ZNF804B: variants seen among roughly 807,000 people sequenced by gnomAD.
ZNF804B encodes zinc finger 804B.
A neutral mutation model predicts 101.4 loss-of-function variants in ZNF804B; 80 were observed. That is an observed-to-expected ratio of 0.79 (90% CI 0.66 to 0.95). ZNF804B has a LOEUF of 0.95. Ranked by LOEUF, ZNF804B falls within the 40% of genes least tolerant of loss-of-function variation. The probability of loss-of-function intolerance (pLI) is 0.00; values close to 1 mark genes in which losing one functional copy is unlikely to be tolerated. For synonymous variants in ZNF804B, 622 were observed against 558.8 expected (o/e 1.11, Z -1.59); for missense variants, 1,673 against 1,561.9 (o/e 1.07, Z -1.20).
intron 3 of ZNF804B, among the ~76,000 whole-genome samples, chr7:89,331,384 C>G (rs1338777561): frequency 6.6e-6 from 1 of 151,668 alleles, no homozygotes; most frequent in East Asian, 1.9e-4. Context: ...TTCAGTAACT[C>G]ATATACTATC....
intron 2 of ZNF804B, among the ~76,000 whole-genome samples, chr7:89,251,912 T>G (rs1190992382): frequency 1.3e-5 from 2 of 152,172 alleles, no homozygotes; most frequent in African/African-American, 4.8e-5. Context: ...TAAGTCAAGA[T>G]GTATTAAAGA....
At chr7:89,309,691 C>T (rs191599493) in intron 2 of ZNF804B, among the ~76,000 whole-genome samples, 11 of 132,732 alleles carry the variant, frequency 8.3e-5, no homozygotes, top group East Asian at 7.5e-4. Context: ...ACCATGCAGG[C>T]GGAGGTTACA....
intron 1 of ZNF804B, among the ~76,000 whole-genome samples, chr7:88,993,010 G>T (rs185619624): frequency 2.6e-5 from 4 of 151,762 alleles, no homozygotes; most frequent in Non-Finnish European, 5.9e-5. Context: ...ATATTACAAA[G>T]ATCACATATT....
At chr7:89,004,859 G>A (rs1788349203) in intron 1 of ZNF804B, among the ~76,000 whole-genome samples, 1 of 151,862 alleles carries the variant, frequency 6.6e-6, no homozygotes, top group Admixed American at 6.6e-5. Flanking sequence ...TGTAATATTT[G>A]CATTTCTGGA....
intron 1 of ZNF804B, among the ~76,000 whole-genome samples, chr7:89,130,064 C>G (rs755870917): frequency 2.6e-5 from 4 of 151,824 alleles, no homozygotes; most frequent in African/African-American, 9.7e-5. Context: ...AATATATATT[C>G]CCAGCTGTTG....
intron 1 of ZNF804B, among the ~76,000 whole-genome samples, chr7:88,955,548 TTTTTCC>T (rs1793292478): frequency 6.6e-6 from 1 of 151,672 alleles, no homozygotes; most frequent in South Asian, 2.1e-4. Context: ...GATTTTAAAT[TTTTTCC>T]TTTTCATCAT....
At chr7:88,905,081 G>C (rs1792448080) in intron 1 of ZNF804B, among the ~76,000 whole-genome samples, 1 of 152,038 alleles carries the variant, frequency 6.6e-6, no homozygotes, top group African/African-American at 2.4e-5. Context: ...GTTAGCTTTT[G>C]GTATGTTGTA....
intron 1 of ZNF804B, among the ~76,000 whole-genome samples, chr7:88,975,970 G>T (rs1453921467): frequency 2.0e-5 from 3 of 151,222 alleles, no homozygotes; most frequent in Non-Finnish European, 4.4e-5. Context: ...AGAGATAGGG[G>T]TTCATTCTTC....
At chr7:88,948,497 C>T (rs1460196029) in intron 1 of ZNF804B, among the ~76,000 whole-genome samples, 1 of 151,636 alleles carries the variant, frequency 6.6e-6, no homozygotes, top group Non-Finnish European at 1.5e-5. Flanking sequence ...AGATTTAATG[C>T]CAGTATAAGA....
At chr7:89,007,712 G>A (rs1788391619) in intron 1 of ZNF804B, among the ~76,000 whole-genome samples, 2 of 149,440 alleles carry the variant, frequency 1.3e-5, no homozygotes, top group Non-Finnish European at 3.0e-5. Flanking sequence ...TATGTTGACA[G>A]CATGGAACAA....
intron 1 of ZNF804B, among the ~76,000 whole-genome samples, chr7:89,051,032 T>C (rs545600420): frequency 6.6e-6 from 1 of 152,214 alleles, no homozygotes; most frequent in South Asian, 2.1e-4. Flanking sequence ...GGGCAATAGA[T>C]ACTGATCCTA....
chr7:88,908,863 CTT>C lies in ZNF804B; in HGVS notation c.108+148781_108+148782del, dbSNP rs1792509389. Among the ~76,000 whole-genome samples the C allele has an allele frequency of 7.9e-5, 12 of 151,838 alleles. No homozygotes were observed. In the South Asian group the frequency reaches 2.5e-3, roughly 31 times the overall value. On this transcript the variant is annotated intron_variant, in intron 1 of 3. Transcript: ENST00000333190. The stretch of plus-strand genomic sequence containing the variant: ...TTTGATTAGATGCAAGTTTGCTTCT[CTT>C]TGAACATTTCAGTTTATTTTTTCTA...
At chr7:89,113,435 A>G (rs1304754609) in intron 1 of ZNF804B, among the ~76,000 whole-genome samples, 1 of 152,208 alleles carries the variant, frequency 6.6e-6, no homozygotes, top group African/African-American at 2.4e-5. Context: ...TGGACATGAA[A>G]TAATGGAGAC....
At chr7:88,935,698 A>G (rs901195640) in intron 1 of ZNF804B, among the ~76,000 whole-genome samples, 7 of 151,974 alleles carry the variant, frequency 4.6e-5, no homozygotes, top group Non-Finnish European at 1.0e-4. Flanking sequence ...CTAAAATCCT[A>G]TCAAGGAGAA....
At chr7:88,957,088 A>C (rs1793321457) in intron 1 of ZNF804B, among the ~76,000 whole-genome samples, 1 of 151,456 alleles carries the variant, frequency 6.6e-6, no homozygotes, top group South Asian at 2.1e-4. Flanking sequence ...ATGTCACTCT[A>C]CCATTCTTCA....
At chr7:88,897,378 C>A (rs918362855) in intron 1 of ZNF804B, among the ~76,000 whole-genome samples, 13 of 152,128 alleles carry the variant, frequency 8.5e-5, no homozygotes, top group Non-Finnish European at 1.8e-4. Flanking sequence ...GGCTCAAATG[C>A]AGGCATGTGG....
chr7:88,867,576 C>G (rs1330399775), intron 1 of ZNF804B, among the ~76,000 whole-genome samples: 2 of 152,166 alleles, frequency 1.3e-5, no homozygotes, highest in Non-Finnish European at 2.9e-5. Flanking sequence ...ATGCCAATCT[C>G]CTAGGGAAAT....
At chr7:89,111,606 TAGATA>T (rs1443353506) in intron 1 of ZNF804B, among the ~76,000 whole-genome samples, 2 of 152,244 alleles carry the variant, frequency 1.3e-5, no homozygotes, top group Non-Finnish European at 2.9e-5. Context: ...TTGTATGGCT[TAGATA>T]AAAGTCTTAT....
intron 1 of ZNF804B, among the ~76,000 whole-genome samples, chr7:88,989,749 A>T (rs2116150525): frequency 6.6e-6 from 1 of 152,272 alleles, no homozygotes; most frequent in Admixed American, 6.5e-5. Context: ...CCATTATAAA[A>T]AACTACTAAT....
Sources: allele counts gnomAD v4.1 joint callset (sites outside exome capture counted in the v4.1 genomes callset), GRCh38; gene constraint gnomAD v4.1.1; transcripts MANE v1.5; gene names NCBI Gene and HGNC (gene_info 2026-07-23, HGNC 2026-07-21).